MKNK1: variants seen among roughly 807,000 people sequenced by gnomAD.
MKNK1 encodes the protein MAPK interacting serine/threonine kinase 1.
A neutral mutation model predicts 49.3 loss-of-function variants in MKNK1; 30 were observed. That is an observed-to-expected ratio of 0.61 (90% CI 0.46 to 0.83). The LOEUF (loss-of-function observed/expected upper bound fraction) is 0.83, where lower values mean the gene tolerates loss of function less well. Among genes scored for constraint, MKNK1 ranks in the 40% least tolerant of loss-of-function variants. MKNK1 has a pLI of 0.00. For synonymous variants in MKNK1, 176 were observed against 201.7 expected (o/e 0.87, Z 1.08); for missense variants, 423 against 524.7 (o/e 0.81, Z 1.89).
intron 2 of MKNK1, chr1:46,585,707 A>G: frequency 2.1e-6 from 1 of 465,982 alleles, no homozygotes; most frequent in Non-Finnish European, 4.4e-6. Context: ...CACAGGGGAC[A>G]CTCAGGCACA....
intron 2 of MKNK1, chr1:46,586,202 G>T (rs12080601): frequency 0.036 from 11,497 of 316,480 alleles, 310 homozygotes; most frequent in African/African-American, 0.079. Flanking sequence ...CAGGGAGTGG[G>T]ACCCCCGCAG....
At chr1:46,571,592 C>G in intron 7 of MKNK1, 1 of 408,394 alleles carries the variant, frequency 2.4e-6, no homozygotes, top group Admixed American at 3.1e-5. Context: ...TTACTGTGAA[C>G]AAGATATATT....
At chr1:46,590,079 GA>G (rs1673131076) in intron 2 of MKNK1, among the ~76,000 whole-genome samples, 1 of 152,166 alleles carries the variant, frequency 6.6e-6, no homozygotes, top group African/African-American at 2.4e-5. Flanking sequence ...GCTTTCTTGA[GA>G]AGAAATAGTG....
intron 1 of MKNK1, among the ~76,000 whole-genome samples, chr1:46,602,865 A>G (rs546530764): frequency 2.6e-5 from 4 of 152,296 alleles, no homozygotes; most frequent in South Asian, 4.1e-4. Flanking sequence ...AAGTAATTCA[A>G]TTACTCTGGG....
At position 46,566,114 on chromosome 1, in the gene MKNK1, T is replaced by C. The variant is rs74370965; in HGVS notation, c.514-978A>G. Among the ~76,000 whole-genome samples, 975 of 152,334 alleles carry C rather than the reference T, an allele frequency of 6.4e-3. 5 individuals are homozygous for C. The highest frequency in any genetic ancestry group is 0.01 in the Middle Eastern group (3 of 294). ...TTTCCATCACTCCAAACAGAAACTC[T>C]ATACGCATTAAGCAATAACTCCCAT... On this transcript the variant is annotated intron_variant, in intron 8 of 12. Coordinates refer to ENST00000371945, the MANE Select transcript of MKNK1 (RefSeq NM_001135553.4).
intron 1 of MKNK1, chr1:46,594,758 G>C (rs1270368242): frequency 1.3e-5 from 4 of 312,938 alleles, no homozygotes; most frequent in Admixed American, 4.1e-5. Context: ...ACTTTGGGAG[G>C]CTGAGGCAGG....
chr1:46,573,475 C>A (rs1242835667), intron 6 of MKNK1, among the ~76,000 whole-genome samples: 2 of 152,182 alleles, frequency 1.3e-5, no homozygotes, highest in African/African-American at 2.4e-5. Flanking sequence ...TAGAAGCCAG[C>A]ATTTCTGGGC....
In MKNK1 at chr1:46,589,667, C is replaced by T. The variant is rs1258022; in HGVS notation, c.-3+4446G>A. Among the ~76,000 whole-genome samples the T allele has an allele frequency of 0.088, 13,394 of 152,088 alleles. 1,890 individuals carry two copies. The highest frequency in any genetic ancestry group is 0.3 in the African/African-American group (12,265 of 41,406). The stretch of plus-strand genomic sequence containing the variant: ...TCCTGGTTCCTGCAGGGGAGATTTA[C>T]AGAGAACTCATAGAGCAGATGAGGA... On this transcript the variant is annotated intron_variant, in intron 2 of 12. Transcript: ENST00000371945. This position sits in a 1 kb window ranked among gnomAD's most constrained non-coding sequence, Gnocchi z 4.3.
intron 5 of MKNK1, 23 bp downstream of exon 5, chr1:46,576,552 A>C: frequency 3.7e-6 from 6 of 1,600,154 alleles, no homozygotes; most frequent in Non-Finnish European, 5.1e-6. Context: ...CCAGAGAAGC[A>C]GCGAGAATCA....
At chr1:46,573,616 T>C (rs1359196450) in intron 6 of MKNK1, 1 of 152,134 alleles carries the variant, frequency 6.6e-6, no homozygotes, top group Non-Finnish European at 1.5e-5. Context: ...CGGATCCCAA[T>C]GTGCTAGGGA....
At chr1:46,565,522 G>A (rs1408630642) in intron 8 of MKNK1, 1 of 217,482 alleles carries the variant, frequency 4.6e-6, no homozygotes, top group African/African-American at 2.3e-5. Flanking sequence ...AAAGGAGCTT[G>A]CAGTAAAACC....
At chr1:46,563,871 C>T (rs1668484260) in intron 9 of MKNK1, among the ~76,000 whole-genome samples, 1 of 144,896 alleles carries the variant, frequency 6.9e-6, no homozygotes, top group Non-Finnish European at 1.5e-5. Flanking sequence ...TGGTGAAACC[C>T]CGTCTCTACT....
chr1:46,558,901 C>A, intron 12 of MKNK1, 101 bp from the exon 13 acceptor site: 1 of 991,454 alleles, frequency 1.0e-6, no homozygotes, highest in East Asian at 2.5e-5. Flanking sequence ...TCTACGCTCC[C>A]ACCAGATTTC....
chr1:46,560,452 GCAGCCGCAGCCCCCAA>G (rs1667752474), intron 11 of MKNK1, among the ~76,000 whole-genome samples, 175 bp from the exon 12 acceptor site: 2 of 152,182 alleles, frequency 1.3e-5, no homozygotes, highest in South Asian at 4.1e-4. Context: ...GGTACAATCT[GCAGCCGCAGCCCCCAA>G]CATAGCTGCT....
intron 2 of MKNK1, chr1:46,585,658 G>A: frequency 2.7e-6 from 1 of 370,272 alleles, no homozygotes; most frequent in Non-Finnish European, 5.4e-6. Context: ...AAGACAGGCA[G>A]AGCAGAGGAG....
intron 12 of MKNK1, chr1:46,559,561 T>C (rs1667564823): frequency 6.5e-6 from 1 of 154,022 alleles, no homozygotes; most frequent in Admixed American, 6.4e-5. Flanking sequence ...ACCTCTCTCA[T>C]CTAGAACACC....
intron 2 of MKNK1, among the ~76,000 whole-genome samples, chr1:46,585,234 A>C (rs1672352247): frequency 9.8e-6 from 1 of 102,098 alleles, no homozygotes; most frequent in African/African-American, 3.9e-5. Flanking sequence ...TGGGTGACAG[A>C]GCAAGATTCC....
At position 46,568,497 on chromosome 1, in the gene MKNK1, G is replaced by C. The variant is rs768233751; in HGVS notation, c.459C>G (p.Gly153=). ...CTGGTTTCAGATCACGATGAGCAAT[G>C]CCTGACATGACAAAGAGCAAAAAAA... ...AAALDFLHTK[G]IAHRDLKPEN... Residue 153 remains glycine (G), a splice_region_variant and synonymous_variant, in exon 8 of 13, where the codon GGC becomes GGG. Transcript: ENST00000371945. 1.4e-5 allele frequency: 23 copies of C among 1,613,902 alleles called. No individual in the cohort carries two copies. The highest frequency in any genetic ancestry group is 1.9e-5 in the Non-Finnish European group (23 of 1,179,870).
At chr1:46,574,109 C>T (rs1234139315) in intron 6 of MKNK1, 3 of 152,196 alleles carry the variant, frequency 2.0e-5, no homozygotes, top group Non-Finnish European at 2.9e-5. Context: ...TTTATTGGGC[C>T]CTTAGTGCCT....
Sources: gnomAD v4.1 joint callset for allele counts (sites outside exome capture counted in the v4.1 genomes callset) on GRCh38, gnomAD v4.1.1 for gene constraint, Gnocchi (gnomAD v3.1) non-coding constraint, MANE v1.5 for transcripts, NCBI Gene and HGNC (gene_info 2026-07-23, HGNC 2026-07-21) for gene names.